The following ADAM32 variants were observed in gnomAD, a reference collection of about 807,000 sequenced individuals.
The protein encoded by ADAM32 is disintegrin and metalloproteinase domain-containing protein 32.
Under a neutral mutation model 114.9 loss-of-function variants are expected in ADAM32, and 89 were observed. The ratio of observed to expected loss-of-function variants is 0.77; its 90% CI spans 0.65 to 0.92. The LOEUF (loss-of-function observed/expected upper bound fraction) is 0.92, where lower values mean the gene tolerates loss of function less well. Among genes scored for constraint, ADAM32 ranks in the 40% least tolerant of loss-of-function variants. The probability of loss-of-function intolerance (pLI) is 0.00; values close to 1 mark genes in which losing one functional copy is unlikely to be tolerated. For synonymous variants in ADAM32, 285 were observed against 307.5 expected (o/e 0.93, Z 0.77); for missense variants, 870 against 932.8 (o/e 0.93, Z 0.88).
intron 3 of ADAM32, among the ~76,000 whole-genome samples, chr8:39,137,310 T>C (rs1346182130): frequency 7.9e-5 from 12 of 152,096 alleles, no homozygotes; most frequent in Non-Finnish European, 1.8e-4. Context: ...CTACATGGCA[T>C]TGGAGAGAGG....
At chr8:39,144,162 G>A (rs1803353287) in intron 3 of ADAM32, among the ~76,000 whole-genome samples, 1 of 152,166 alleles carries the variant, frequency 6.6e-6, no homozygotes, top group South Asian at 2.1e-4. Flanking sequence ...TAAATCCCCT[G>A]ACCCCTTGAG....
chr8:39,111,229 A>G (rs1461071914), intron 1 of ADAM32, among the ~76,000 whole-genome samples: 1 of 152,124 alleles, frequency 6.6e-6, no homozygotes, highest in Non-Finnish European at 1.5e-5. Flanking sequence ...GTGTGGACAT[A>G]TGTTTTCATT....
intron 1 of ADAM32, among the ~76,000 whole-genome samples, chr8:39,114,245 C>T (rs1388732197): frequency 6.6e-6 from 1 of 152,186 alleles, no homozygotes; most frequent in Non-Finnish European, 1.5e-5. Context: ...TATTTCCCCT[C>T]CCCTGGGCAT....
intron 19 of ADAM32, among the ~76,000 whole-genome samples, chr8:39,259,652 C>T (rs1249811242): frequency 1.3e-5 from 2 of 152,160 alleles, no homozygotes; most frequent in African/African-American, 2.4e-5. Flanking sequence ...CCAAATAAGT[C>T]AGTGTTATTT....
At chr8:39,107,560 G>T, upstream of ADAM32, 1 of 1,340,808 alleles carries the variant, frequency 7.5e-7, no homozygotes, top group Non-Finnish European at 9.7e-7. Context: ...GCTGGGGTGC[G>T]CCGGGAAGGG....
At chr8:39,258,729 T>A (rs1811824896) in intron 19 of ADAM32, among the ~76,000 whole-genome samples, 1 of 152,128 alleles carries the variant, frequency 6.6e-6, no homozygotes, top group Admixed American at 6.5e-5. Flanking sequence ...ACATACTGGG[T>A]TTTTTTCCTG....
At chr8:39,262,447 A>G (rs1192919485) in intron 19 of ADAM32, among the ~76,000 whole-genome samples, 1 of 151,986 alleles carries the variant, frequency 6.6e-6, no homozygotes, top group Non-Finnish European at 1.5e-5. Flanking sequence ...TTGGTTTCTC[A>G]GCTTTGTAGT....
At chr8:39,115,008 G>A (rs752093603) in intron 1 of ADAM32, among the ~76,000 whole-genome samples, 3 of 152,172 alleles carry the variant, frequency 2.0e-5, no homozygotes, top group Non-Finnish European at 4.4e-5. Flanking sequence ...GTTTAGGATA[G>A]TGGCCTCCAG....
intron 1 of ADAM32, among the ~76,000 whole-genome samples, chr8:39,114,421 A>G (rs976801628): frequency 6.6e-5 from 10 of 152,214 alleles, no homozygotes; most frequent in Non-Finnish European, 1.0e-4. Context: ...GGAACCAGGG[A>G]AGAGGCTGTG....
intron 16 of ADAM32, among the ~76,000 whole-genome samples, chr8:39,241,408 C>T (rs1178918736): frequency 6.6e-6 from 1 of 152,246 alleles, no homozygotes; most frequent in East Asian, 1.9e-4. Context: ...GGGGCTCCAA[C>T]CTCACATTTC....
intron 10 of ADAM32, among the ~76,000 whole-genome samples, chr8:39,180,760 G>T (rs942856375): frequency 7.2e-4 from 110 of 152,178 alleles, no homozygotes; most frequent in Non-Finnish European, 1.0e-3. Flanking sequence ...AGCTGCTCTG[G>T]TGGGGCCTTG....
At chr8:39,231,534 A>T (rs557198537) in intron 14 of ADAM32, among the ~76,000 whole-genome samples, 96 of 152,298 alleles carry the variant, frequency 6.3e-4, no homozygotes, top group Non-Finnish European at 2.9e-5. Context: ...CTAATTTTTT[A>T]CAGAGAAATA....
Position 39,233,954 on chromosome 8 carries a change from C to T in ADAM32, c.1690C>T (p.Gln564Ter). The T allele has an allele frequency of 6.3e-7, 1 of 1,591,458 alleles. No homozygotes were observed. Among genetic ancestry groups the T allele is most frequent in the East Asian group, 2.3e-5 (1 of 43,842 alleles). The change falls in exon 16 of 25, where the codon CAA (glutamine) becomes TAA (stop). Residue 564 changes from glutamine to a stop codon, truncating the protein, a stop_gained. Coordinates refer to ENST00000379907, the MANE Select transcript of ADAM32 (RefSeq NM_145004.7). LOFTEE classifies it high-confidence loss of function. ...CTYPTRKPFHQENGDVIYAFV... is the reference protein window; with the variant it reads ...CTYPTRKPFH Reference sequence around the variant, plus strand: ...CTACCCTACTCGAAAGCCTTTCCATCAAGAAAATGGTGATGTGATTTATGC... The same window carrying T: ...CTACCCTACTCGAAAGCCTTTCCATTAAGAAAATGGTGATGTGATTTATGC...
intron 14 of ADAM32, among the ~76,000 whole-genome samples, chr8:39,225,138 G>A (rs1280737983): frequency 2.0e-5 from 3 of 152,156 alleles, no homozygotes; most frequent in African/African-American, 7.2e-5. Flanking sequence ...TCTGGGACTT[G>A]AGTGACTACC....
At chr8:39,224,225 T>C (rs1411747535) in intron 14 of ADAM32, 1 of 152,172 alleles carries the variant, frequency 6.6e-6, no homozygotes, top group Admixed American at 6.5e-5. Context: ...ATGAATAATG[T>C]AGCAATAAAC....
At chr8:39,186,285 A>T (rs967147961) in intron 10 of ADAM32, among the ~76,000 whole-genome samples, 3 of 152,210 alleles carry the variant, frequency 2.0e-5, no homozygotes, top group Non-Finnish European at 4.4e-5. Flanking sequence ...TTTGGTGATA[A>T]TTTGAGAAAT....
Position 39,268,679 on chromosome 8 carries a change from C to T in ADAM32, c.2163-2197C>T, listed in dbSNP as rs144155545. Among the ~76,000 whole-genome samples, 278 of 152,248 alleles carry T rather than the reference C, an allele frequency of 1.8e-3. 1 individual carries two copies. Among genetic ancestry groups the T allele is most frequent in the African/African-American group, 6.5e-3 (269 of 41,566 alleles). ...AAGAAATAATTGCCTAACCCAAGTTCACAGATTTTCTCCTATGATTTCTTC... is the reference window on the plus strand; with the variant it reads ...AAGAAATAATTGCCTAACCCAAGTTTACAGATTTTCTCCTATGATTTCTTC... On this transcript the variant is annotated intron_variant, in intron 19 of 24. Coordinates refer to ENST00000379907, the MANE Select transcript of ADAM32 (RefSeq NM_145004.7).
chr8:39,140,275 C>T (rs1004461138), intron 3 of ADAM32, among the ~76,000 whole-genome samples: 11 of 149,046 alleles, frequency 7.4e-5, no homozygotes, highest in African/African-American at 1.7e-4. Flanking sequence ...GAATGCTTCC[C>T]GTTTTGGCTG....
intron 10 of ADAM32, among the ~76,000 whole-genome samples, chr8:39,176,113 A>G (rs553183137): frequency 3.3e-5 from 5 of 151,912 alleles, no homozygotes; most frequent in Non-Finnish European, 5.9e-5. Context: ...TATCTATTAT[A>G]TTAATTTTTT....
Sources: gnomAD v4.1 joint callset for allele counts (sites outside exome capture counted in the v4.1 genomes callset) on GRCh38, gnomAD v4.1.1 for gene constraint, MANE v1.5 for transcripts, NCBI Gene and HGNC (gene_info 2026-07-23, HGNC 2026-07-21) for gene names.